BRIP1: variants seen among roughly 807,000 people sequenced by gnomAD.
The protein encoded by BRIP1 is BRCA1 interacting DNA helicase 1.
BRIP1 carries 88 observed loss-of-function variants against 119.7 expected under a neutral mutation model. The observed-to-expected ratio is 0.74, with a 90% confidence interval of 0.62 to 0.88. The LOEUF (loss-of-function observed/expected upper bound fraction) is 0.88. Among genes scored for constraint, BRIP1 ranks in the 40% least tolerant of loss-of-function variants. The probability of loss-of-function intolerance (pLI) is 0.00; values close to 1 mark genes in which losing one functional copy is unlikely to be tolerated. For synonymous variants in BRIP1, 443 were observed against 496.5 expected, an observed-to-expected ratio of 0.89 and a Z score of 1.43; for missense variants, 1,259 against 1,455.4, an observed-to-expected ratio of 0.87 and a Z score of 2.20.
In BRIP1 at chr17:61,768,006, C is replaced by A. The variant is rs2077396254; in HGVS notation, c.2097+8395G>T. Among the ~76,000 whole-genome samples, 1 of 152,178 alleles carries A rather than the reference C, an allele frequency of 6.6e-6. No individual in the cohort carries two copies. The highest frequency in any genetic ancestry group is 1.5e-5 in the Non-Finnish European group (1 of 68,042). Reference sequence around the variant, plus strand: ...CTCTTCCTACTCTTAATTCCATTATCATTCTTCTTAATCTCTCTAATGATT... The same window carrying A: ...CTCTTCCTACTCTTAATTCCATTATAATTCTTCTTAATCTCTCTAATGATT... On this transcript the variant is annotated intron_variant, in intron 14 of 19. Transcript: ENST00000259008. The surrounding 1 kb of genome is among the most constrained non-coding windows in gnomAD (Gnocchi z 5.0).
intron 6 of BRIP1, among the ~76,000 whole-genome samples, chr17:61,812,069 A>G (rs1044029153): frequency 6.6e-6 from 1 of 152,178 alleles, no homozygotes; most frequent in South Asian, 2.1e-4. Flanking sequence ...AATTACCTGT[A>G]CCAAAATCAG....
rs1409592147 is a variant in BRIP1 at position 61,807,586 on chromosome 17, A to G, written c.918+881T>C. Among the ~76,000 whole-genome samples the G allele has an allele frequency of 1.3e-5, 2 of 152,196 alleles. No homozygotes were observed. The highest frequency in any genetic ancestry group is 4.8e-5 in the African/African-American group (2 of 41,458). ...TTCACATTATATGGTAGGGGGTGAT[A>G]TATCAATGAAATGAAACTCTGGGGG... On this transcript the variant is annotated intron_variant, in intron 7 of 19. Transcript: ENST00000259008. The surrounding 1 kb of genome is among the most constrained non-coding windows in gnomAD (Gnocchi z 4.5).
chr17:61,858,345 GAAC>G lies in BRIP1; in HGVS notation c.206-1117_206-1115del, dbSNP rs1295660024. Among the ~76,000 whole-genome samples, 4 of 150,554 alleles carry G rather than the reference GAAC, an allele frequency of 2.7e-5. No homozygotes were observed. The East Asian group carries it at 7.8e-4, about 29-fold the overall frequency. On this transcript the variant is annotated intron_variant, in intron 3 of 19. Transcript: ENST00000259008. Reference sequence around the variant, plus strand: ...AATTAACGTCAGTGAGAATCAAAATGAACAACCAAAAGCTTATGAAGTATTTAC... The same window carrying G: ...AATTAACGTCAGTGAGAATCAAAATGAACCAAAAGCTTATGAAGTATTTAC...
At chr17:61,813,970 A>G (rs1250400595) in intron 6 of BRIP1, among the ~76,000 whole-genome samples, 1 of 152,102 alleles carries the variant, frequency 6.6e-6, no homozygotes, top group Non-Finnish European at 1.5e-5. Flanking sequence ...CCTAAGTATG[A>G]TCTTCATAAA....
chr17:61,776,182 T>G lies in BRIP1; in HGVS notation c.2097+219A>C. On this transcript the variant is annotated intron_variant, in intron 14 of 19. Coordinates refer to ENST00000259008, the MANE Select transcript of BRIP1 (RefSeq NM_032043.3). The surrounding 1 kb of genome is among the most constrained non-coding windows in gnomAD (Gnocchi z 5.0). ...CAAGCATGAGCCACCACGTCCAGCC[T>G]TGCTCTTTCAGACTTTTAAGTAAAA... 1 of 545,766 alleles carries G rather than the reference T, an allele frequency of 1.8e-6. No individual in the cohort carries two copies. The highest frequency in any genetic ancestry group is 3.2e-6 in the Non-Finnish European group (1 of 312,960). 33.8% of individuals were successfully genotyped at this position (545,766 alleles called of 1,614,324 possible). A position where few individuals can be genotyped will look rare whatever the true frequency, so the allele number is the denominator to read the frequency against.
intron 16 of BRIP1, among the ~76,000 whole-genome samples, chr17:61,727,276 A>G (rs548056232): frequency 6.6e-6 from 1 of 152,320 alleles, no homozygotes; most frequent in South Asian, 2.1e-4. Context: ...CAGTGAGAGG[A>G]GGCTCAGACT....
Position 61,815,854 on chromosome 17 carries a change from A to G in BRIP1, c.628-7097T>C, listed in dbSNP as rs1278516400. Among the ~76,000 whole-genome samples, 1 of 152,200 alleles carries G rather than the reference A, an allele frequency of 6.6e-6. No individual in the cohort carries two copies. Among genetic ancestry groups the G allele is most frequent in the Non-Finnish European group, 1.5e-5 (1 of 68,034 alleles). On this transcript the variant is annotated intron_variant, in intron 6 of 19. Transcript: ENST00000259008. This position sits in a 1 kb window ranked among gnomAD's most constrained non-coding sequence, Gnocchi z 4.1. Reference sequence around the variant, plus strand: ...ATAGAATTATACTACAAACTTTGAGACATAAAAAAGGGTTTTTTAATCTTT... The same window carrying G: ...ATAGAATTATACTACAAACTTTGAGGCATAAAAAAGGGTTTTTTAATCTTT...
At chr17:61,835,958 C>T (rs1053603158) in intron 6 of BRIP1, among the ~76,000 whole-genome samples, 3 of 151,920 alleles carry the variant, frequency 2.0e-5, no homozygotes, top group East Asian at 1.9e-4. Flanking sequence ...TTTATAGAAA[C>T]GGATCTAGAA....
chr17:61,798,206 T>A lies in BRIP1; in HGVS notation c.1340+894A>T, dbSNP rs908986252. Among the ~76,000 whole-genome samples the A allele has an allele frequency of 4.7e-5, 7 of 149,850 alleles. No homozygotes were observed. In the Admixed American group the frequency reaches 4.7e-4, roughly 10 times the overall value. ...TATCTAATGGAATTCTAGATATCTA[T>A]TTTTTTTTTAAACTGAGAAAGCTTT... On this transcript the variant is annotated intron_variant, in intron 9 of 19. Transcript: ENST00000259008. This position sits in a 1 kb window ranked among gnomAD's most constrained non-coding sequence, Gnocchi z 5.5.
At position 61,801,269 on chromosome 17, in the gene BRIP1, G is replaced by A. The variant is rs786202192; in HGVS notation, c.1124C>T (p.Ala375Val). 1 of 1,612,560 alleles carries A rather than the reference G, an allele frequency of 6.2e-7. No individual in the cohort carries two copies. Among genetic ancestry groups the A allele is most frequent in the Non-Finnish European group, 8.5e-7 (1 of 1,178,676 alleles). The change falls in exon 8 of 20, where the codon GCA (alanine) becomes GTA (valine). Residue 375 changes from alanine to valine, a missense_variant. Coordinates refer to ENST00000259008, the MANE Select transcript of BRIP1 (RefSeq NM_032043.3). Reference protein sequence around the residue: ...IFCPYNYLLDAQIRESMDLNL... With the variant: ...IFCPYNYLLDVQIRESMDLNL... Reference sequence around the variant, plus strand: ...TATACTCACACTTTCCCTTATTTGTGCATCTAGAAGATAGTTGTAGGGACA... The same window carrying A: ...TATACTCACACTTTCCCTTATTTGTACATCTAGAAGATAGTTGTAGGGACA...
rs2061437901 is a variant in BRIP1, at chr17:61,690,924, C to A, written c.2575+2506G>T. On this transcript the variant is annotated intron_variant, in intron 18 of 19. Transcript: ENST00000259008. This position sits in a 1 kb window ranked among gnomAD's most constrained non-coding sequence, Gnocchi z 5.6. ...CAAAAGAGGAATGTAAGAAAACAAT[C>A]CCATTTATAATAGTATGAATGAAGC... 6.6e-6 allele frequency among the ~76,000 whole-genome samples: 1 copy of A among 152,096 alleles called. No homozygotes were observed. The highest frequency in any genetic ancestry group is 6.5e-5 in the Admixed American group (1 of 15,270).
intron 18 of BRIP1, among the ~76,000 whole-genome samples, chr17:61,692,209 A>C (rs1248133176): frequency 6.6e-6 from 1 of 152,186 alleles, no homozygotes; most frequent in African/African-American, 2.4e-5. Context: ...AAGCCAAATA[A>C]ATCTCTTATC....
At position 61,683,541 on chromosome 17, in the gene BRIP1, C is replaced by A. The variant is rs587782029; in HGVS notation, c.3505G>T (p.Asp1169Tyr). The A allele has an allele frequency of 9.9e-6, 16 of 1,613,194 alleles. No individual in the cohort carries two copies. Among genetic ancestry groups the A allele is most frequent in the Non-Finnish European group, 1.2e-5 (14 of 1,179,976 alleles). Residue 1169 changes from aspartate to tyrosine, a missense_variant, in exon 20 of 20, where the codon GAC becomes TAC. Physicochemically the swap from Asp to Tyr is radical, Grantham distance 160. Coordinates refer to ENST00000259008, the MANE Select transcript of BRIP1 (RefSeq NM_032043.3). This position sits in a 1 kb window ranked among gnomAD's most constrained non-coding sequence, Gnocchi z 4.7. Reference sequence around the variant, plus strand: ...TTTATAGTTCTAATTTCAAAAAGGTCTTTAGCTAAAATGCAATCTGAATTG... The same window carrying A: ...TTTATAGTTCTAATTTCAAAAAGGTATTTAGCTAAAATGCAATCTGAATTG... Reference protein sequence around the residue: ...ANNSDCILAKDLFEIRTIKEV... With the variant: ...ANNSDCILAKYLFEIRTIKEV...
intron 6 of BRIP1, among the ~76,000 whole-genome samples, chr17:61,838,194 C>T (rs1034751656): frequency 1.3e-5 from 2 of 152,032 alleles, no homozygotes; most frequent in African/African-American, 4.8e-5. Flanking sequence ...TTAAAAAATA[C>T]TGTACTCCCT....
In BRIP1 at chr17:61,780,481, A is replaced by C. The variant is rs2077600443; in HGVS notation, c.1795-80T>G. The C allele has an allele frequency of 4.7e-6, 6 of 1,263,210 alleles. No individual in the cohort carries two copies. The highest frequency in any genetic ancestry group is 2.3e-6 in the Non-Finnish European group (2 of 866,686). 78.3% of individuals were successfully genotyped at this position (1,263,210 alleles called of 1,614,324 possible). ...AGTGGCTCACACCTGTAATCCCAGC[A>C]CTTTGGGAGGCTGAAGCAGGAAGAT... On this transcript the variant is annotated intron_variant, in intron 12 of 19. Coordinates refer to ENST00000259008, the MANE Select transcript of BRIP1 (RefSeq NM_032043.3). This position sits in a 1 kb window ranked among gnomAD's most constrained non-coding sequence, Gnocchi z 5.4.
chr17:61,774,053 A>C lies in BRIP1; in HGVS notation c.2097+2348T>G, dbSNP rs1395025995. The stretch of plus-strand genomic sequence containing the variant: ...CGATTCCTCAAGGATCTAAAACTAG[A>C]AATACCATTTGACCCAGTCATCACA... On this transcript the variant is annotated intron_variant, in intron 14 of 19. Transcript: ENST00000259008. The surrounding 1 kb of genome is among the most constrained non-coding windows in gnomAD (Gnocchi z 5.8). Among the ~76,000 whole-genome samples the C allele has an allele frequency of 6.6e-6, 1 of 152,214 alleles. No individual in the cohort carries two copies. Among genetic ancestry groups the C allele is most frequent in the Non-Finnish European group, 1.5e-5 (1 of 68,034 alleles).
At chr17:61,702,660 G>A (rs1026704594) in intron 17 of BRIP1, among the ~76,000 whole-genome samples, 16 of 152,134 alleles carry the variant, frequency 1.1e-4, no homozygotes, top group African/African-American at 3.6e-4. Context: ...TGGTTACATA[G>A]TATTCCATTG....
chr17:61,716,611 TCC>T (rs2061867258), intron 16 of BRIP1, among the ~76,000 whole-genome samples: 2 of 152,086 alleles, frequency 1.3e-5, no homozygotes, highest in Admixed American at 6.6e-5. Flanking sequence ...TTTACGTTTA[TCC>T]AGTCTGGTAA....
intron 10 of BRIP1, among the ~76,000 whole-genome samples, chr17:61,791,947 T>C (rs1427178755): frequency 1.3e-5 from 2 of 152,180 alleles, no homozygotes; most frequent in African/African-American, 4.8e-5. Context: ...ATGCTATCAC[T>C]CATATGTGTC....
Sources: allele counts gnomAD v4.1 joint callset (sites outside exome capture counted in the v4.1 genomes callset), GRCh38; gene constraint gnomAD v4.1.1; non-coding constraint Gnocchi (gnomAD v3.1); transcripts MANE v1.5; gene names NCBI Gene and HGNC (gene_info 2026-07-23, HGNC 2026-07-21).